The following DNAJB13 variants were observed in gnomAD, a reference collection of about 807,000 sequenced individuals.
DNAJB13 encodes the protein dnaJ homolog subfamily B member 13.
Under a neutral mutation model 35.6 loss-of-function variants are expected in DNAJB13, and 22 were observed. That is an observed-to-expected ratio of 0.62 (90% CI 0.44 to 0.88). The LOEUF (loss-of-function observed/expected upper bound fraction) is 0.88, where lower values mean the gene tolerates loss of function less well. Among genes scored for constraint, DNAJB13 ranks in the 40% least tolerant of loss-of-function variants. The probability of loss-of-function intolerance (pLI) is 0.00; values close to 1 mark genes in which losing one functional copy is unlikely to be tolerated. For synonymous variants in DNAJB13, 136 were observed against 144.2 expected (o/e 0.94, Z 0.41); for missense variants, 370 against 384.3 (o/e 0.96, Z 0.31).
At chr11:73,959,138 G>C (rs1023639325) in intron 2 of DNAJB13, among the ~76,000 whole-genome samples, 1 of 152,160 alleles carries the variant, frequency 6.6e-6, no homozygotes, top group African/African-American at 2.4e-5. Context: ...AAGGTTCTAC[G>C]ATTCCGTTTA....
intron 1 of DNAJB13, among the ~76,000 whole-genome samples, chr11:73,952,549 G>A (rs957844864): frequency 4.6e-5 from 7 of 152,168 alleles, no homozygotes; most frequent in Admixed American, 4.6e-4. Context: ...GGCATAAGTG[G>A]AGAGTCTGCG....
intron 5 of DNAJB13, among the ~76,000 whole-genome samples, chr11:73,966,662 TTATTTATG>T (rs1951124928): frequency 6.6e-6 from 1 of 151,754 alleles, no homozygotes; most frequent in African/African-American, 2.4e-5. Context: ...ATAATTTTAT[TTATTTATG>T]TATTTATTTA....
rs72982970 is a variant in DNAJB13 at position 73,969,083 on chromosome 11, T to G, written c.721-163T>G. Among the ~76,000 whole-genome samples, 47,275 of 152,076 alleles carry G rather than the reference T, an allele frequency of 0.31. 7,564 individuals are homozygous for G. Among genetic ancestry groups the G allele is most frequent in the Admixed American group, 0.37 (5,625 of 15,272 alleles). On this transcript the variant is annotated intron_variant, in intron 6 of 7. Coordinates refer to ENST00000339764, the MANE Select transcript of DNAJB13 (RefSeq NM_153614.4). ...CAGATCCATCCATCTTTCCTGCCAG[T>G]GCAGAAAATTGCATGGGTCATTCAC...
rs1350955423 is a variant in DNAJB13, at chr11:73,964,812, T to TGC, written c.335-55_335-54dup. On this transcript the variant is annotated intron_variant, in intron 3 of 7. Coordinates refer to ENST00000339764, the MANE Select transcript of DNAJB13 (RefSeq NM_153614.4). Reference sequence around the variant, plus strand: ...GTGTGTGTGTGTGTGTGTGTGTGTGTGCGCGCGCGCGCATGTCTGGGTCTC... The same window carrying TGC: ...GTGTGTGTGTGTGTGTGTGTGTGTGTGCGCGCGCGCGCGCATGTCTGGGTCTC... 3,676 of 694,626 alleles carry TGC rather than the reference T, an allele frequency of 5.3e-3. 219 individuals are homozygous for TGC. Among genetic ancestry groups the TGC allele is most frequent in the African/African-American group, 0.016 (731 of 45,028 alleles). 43.0% of individuals were successfully genotyped at this position (694,626 alleles called of 1,614,324 possible). A position where few individuals can be genotyped will look rare whatever the true frequency, so the allele number is the denominator to read the frequency against.
chr11:73,953,623 A>G (rs768153225), intron 1 of DNAJB13, among the ~76,000 whole-genome samples: 3 of 152,320 alleles, frequency 2.0e-5, no homozygotes, highest in South Asian at 2.1e-4. Flanking sequence ...TATGAATAAC[A>G]TCGGTTTCTA....
At chr11:73,965,822 G>T in intron 4 of DNAJB13, 1 of 317,758 alleles carries the variant, frequency 3.1e-6, no homozygotes, top group Non-Finnish European at 6.0e-6. Context: ...GGCTGGAGCT[G>T]TGTGTTTGAT....
chr11:73,952,371 C>A (rs1950609510), intron 1 of DNAJB13, among the ~76,000 whole-genome samples: 1 of 152,174 alleles, frequency 6.6e-6, no homozygotes, highest in Admixed American at 6.5e-5. Flanking sequence ...AGGTGCTGTT[C>A]TGAGAACTTT....
rs1353345923 is a variant in DNAJB13, at chr11:73,951,450, AT to A, written c.68+315del. ...GAGCCATTTGAACTTTATCTTGAAT[AT>A]TATGGAGAACCAGAGGCTTGTGAAC... On this transcript the variant is annotated intron_variant, in intron 1 of 7. Coordinates refer to ENST00000339764, the MANE Select transcript of DNAJB13 (RefSeq NM_153614.4). Among the ~76,000 whole-genome samples the A allele has an allele frequency of 3.3e-5, 5 of 152,260 alleles. No homozygotes were observed. The East Asian group carries it at 9.6e-4, about 29-fold the overall frequency.
At chr11:73,959,235 A>G (rs544461491) in intron 2 of DNAJB13, among the ~76,000 whole-genome samples, 1 of 152,082 alleles carries the variant, frequency 6.6e-6, no homozygotes, top group Admixed American at 6.6e-5. Flanking sequence ...TTATTCCCCC[A>G]GTCTCTCACC....
In DNAJB13 at chr11:73,956,011, G is replaced by A. The variant is rs188458209; in HGVS notation, c.69-2306G>A. Among the ~76,000 whole-genome samples the A allele has an allele frequency of 1.1e-4, 17 of 152,320 alleles. No individual in the cohort carries two copies. In the East Asian group the frequency reaches 2.9e-3, roughly 26 times the overall value. ...CAGTAAGAGGAGGCATTGCCTAAAA[G>A]TCAGAGCCATGCCACAGTGAGATGG... is the stretch of plus-strand genomic sequence containing the variant. On this transcript the variant is annotated intron_variant, in intron 1 of 7. Transcript: ENST00000339764.
At position 73,968,431 on chromosome 11, in the gene DNAJB13, C is replaced by G. The variant is rs1951185048; in HGVS notation, c.693C>G (p.Phe231Leu). Residue 231 changes from phenylalanine (F) to leucine (L), a missense_variant, in exon 6 of 8, where the codon TTC (phenylalanine) becomes TTG (leucine). Transcript: ENST00000339764. Reference protein sequence around the residue: ...PRFRRENDNLFFVNPIPLGKA... With the variant: ...PRFRRENDNLLFVNPIPLGKA... ...TCCGCAGGGAGAATGACAACCTCTT[C>G]TTCGTGAACCCCATCCCTCTTGGCA... The G allele has an allele frequency of 1.2e-6, 2 of 1,613,966 alleles. No homozygotes were observed. Among genetic ancestry groups the G allele is most frequent in the Non-Finnish European group, 1.7e-6 (2 of 1,179,970 alleles).
chr11:73,960,110 A>G (rs1950887674), intron 3 of DNAJB13, among the ~76,000 whole-genome samples: 1 of 152,170 alleles, frequency 6.6e-6, no homozygotes, highest in Admixed American at 6.5e-5. Flanking sequence ...ATTGCAAAAG[A>G]AAAAGTAAAA....
intron 4 of DNAJB13, 93 bp from the exon 5 acceptor site, chr11:73,966,045 G>A (rs751458050): frequency 1.7e-6 from 2 of 1,165,494 alleles, no homozygotes; most frequent in Non-Finnish European, 2.5e-6. Flanking sequence ...CGTGTGCAAA[G>A]GTCACCTGAG....
At chr11:73,951,214 C>T in intron 1 of DNAJB13, 77 bp downstream of exon 1, 1 of 1,544,662 alleles carries the variant, frequency 6.5e-7, no homozygotes, top group South Asian at 1.1e-5. Flanking sequence ...AACGAGCTTT[C>T]CTGCACAGCT....
At chr11:73,953,112 G>C (rs150037652) in intron 1 of DNAJB13, among the ~76,000 whole-genome samples, 415 of 152,286 alleles carry the variant, frequency 2.7e-3, no homozygotes, top group Non-Finnish European at 4.0e-3. Context: ...TGTAGTCCCA[G>C]CTACTTGGGA....
At chr11:73,965,795 T>A (rs956536543) in intron 4 of DNAJB13, 5 of 236,152 alleles carry the variant, frequency 2.1e-5, no homozygotes, top group African/African-American at 1.1e-4. Context: ...TTTCACCATG[T>A]ATCTGTTAGT....
Position 73,954,031 on chromosome 11 carries a change from A to ATT in DNAJB13, c.68+2894_68+2895insTT, listed in dbSNP as rs1565166819. The stretch of plus-strand genomic sequence containing the variant: ...TAATAATAATAATAATAATAATAAT[A>ATT]ATAATAATAATGGCTGGACACAGTG... On this transcript the variant is annotated intron_variant, in intron 1 of 7. Transcript: ENST00000339764. Among the ~76,000 whole-genome samples the ATT allele has an allele frequency of 3.0e-3, 446 of 146,614 alleles. 1 individual carries two copies. The highest frequency in any genetic ancestry group is 0.011 in the African/African-American group (433 of 39,986).
chr11:73,954,936 A>G (rs539632352), intron 1 of DNAJB13, among the ~76,000 whole-genome samples: 1 of 152,218 alleles, frequency 6.6e-6, no homozygotes, highest in African/African-American at 2.4e-5. Context: ...GAGCAACAAG[A>G]GCAAAACTCC....
intron 7 of DNAJB13, among the ~76,000 whole-genome samples, chr11:73,969,633 T>C (rs544954390): frequency 6.6e-6 from 1 of 152,240 alleles, no homozygotes; most frequent in African/African-American, 2.4e-5. Context: ...TTGCATATCC[T>C]AAGTCCTTTT....
Sources: allele counts gnomAD v4.1 joint callset (sites outside exome capture counted in the v4.1 genomes callset), GRCh38; gene constraint gnomAD v4.1.1; transcripts MANE v1.5; gene names NCBI Gene and HGNC (gene_info 2026-07-23, HGNC 2026-07-21).